Variants in BIRC6 observed in about 807,000 individuals in gnomAD.
BIRC6 encodes baculoviral IAP repeat containing 6, also known as dual E2 ubiquitin-conjugating enzyme/E3 ubiquitin-protein ligase BIRC6.
BIRC6 carries 98 observed loss-of-function variants against 503.3 expected under a neutral mutation model. That is an observed-to-expected ratio of 0.19 (90% CI 0.17 to 0.23). The LOEUF (loss-of-function observed/expected upper bound fraction) is 0.23. BIRC6 is among the 10% of genes least tolerant of loss of function. BIRC6 has a pLI of 1.00. For synonymous variants in BIRC6, 2,240 were observed against 2,078.7 expected (o/e 1.08, Z -2.11); for missense variants, 5,360 against 5,806.0 (o/e 0.92, Z 2.50).
At chr2:32,484,517 GTCCAGCCTGGACGA>G (rs2050771949) in intron 39 of BIRC6, among the ~76,000 whole-genome samples, 1 of 146,776 alleles carries the variant, frequency 6.8e-6, no homozygotes, top group Non-Finnish European at 1.5e-5. Context: ...TGCTGCTGCA[GTCCAGCCTGGACGA>G]TAGAGCAAAA....
chr2:32,417,417 T>C (rs894587967), intron 10 of BIRC6, among the ~76,000 whole-genome samples: 3 of 152,230 alleles, frequency 2.0e-5, no homozygotes, highest in African/African-American at 7.2e-5. Flanking sequence ...GTGCTGGGAT[T>C]ACAGGCGTGT....
At chr2:32,519,250 A>G (rs779900027) in intron 57 of BIRC6, 7 of 240,720 alleles carry the variant, frequency 2.9e-5, no homozygotes, top group Middle Eastern at 3.3e-3. Flanking sequence ...TACTAGATTA[A>G]TTGCAGGATA....
chr2:32,597,862 C>G lies in BIRC6; in HGVS notation c.13724C>G (p.Ala4575Gly). The G allele has an allele frequency of 4.3e-6, 7 of 1,613,854 alleles. No homozygotes were observed. Among genetic ancestry groups the G allele is most frequent in the Non-Finnish European group, 5.9e-6 (7 of 1,179,822 alleles). ...NANDANSAAR[A>G]RRLAQEAVTL... ...AATGATGCGAACAGTGCTGCCAGAG[C>G]TCGCCGCCTTGCCCAGGAAGCTGTG... Residue 4575 changes from alanine to glycine, a missense_variant, in exon 69 of 74, where the codon GCT becomes GGT. Ala to Gly is a moderately conservative substitution (Grantham distance 60). Transcript: ENST00000421745.
chr2:32,567,464 A>G (rs560412443), intron 65 of BIRC6, among the ~76,000 whole-genome samples: 2 of 152,316 alleles, frequency 1.3e-5, no homozygotes, highest in South Asian at 4.1e-4. Context: ...TTGTGTGGCT[A>G]TGGGACACTT....
intron 1 of BIRC6, among the ~76,000 whole-genome samples, chr2:32,366,634 AT>A (rs1263019659): frequency 6.6e-6 from 1 of 152,094 alleles, no homozygotes; most frequent in Non-Finnish European, 1.5e-5. Context: ...CCTCTCTGAT[AT>A]GTGTGTTGTA....
chr2:32,485,881 T>C, intron 40 of BIRC6, 122 bp downstream of exon 40: 1 of 625,556 alleles, frequency 1.6e-6, no homozygotes, highest in Non-Finnish European at 2.8e-6. Flanking sequence ...GGACTTAGTA[T>C]GTAGCACTTT....
chr2:32,526,100 G>A (rs1249977714), intron 59 of BIRC6, among the ~76,000 whole-genome samples: 1 of 152,110 alleles, frequency 6.6e-6, no homozygotes, highest in Non-Finnish European at 1.5e-5. Context: ...CAAAAATTCA[G>A]TATCTGATAC....
At chr2:32,571,630 A>G (rs954761743) in intron 65 of BIRC6, among the ~76,000 whole-genome samples, 1 of 150,070 alleles carries the variant, frequency 6.7e-6, no homozygotes, top group African/African-American at 2.5e-5. Flanking sequence ...GTTTATTTGG[A>G]TCTTCTCTCT....
Position 32,613,374 on chromosome 2 carries a change from A to AT in BIRC6, c.14394+1795dup, listed in dbSNP as rs1243409761. Among the ~76,000 whole-genome samples, 3 of 150,134 alleles carry AT rather than the reference A, an allele frequency of 2.0e-5. No homozygotes were observed. The East Asian group carries it at 6.0e-4, about 30-fold the overall frequency. ...TAACTTTTGTATTTTTATTTTCATT[A>AT]TTTATTTTATTTATTTATTTATTTT... On this transcript the variant is annotated intron_variant, in intron 73 of 73. Coordinates refer to ENST00000421745, the MANE Select transcript of BIRC6 (RefSeq NM_016252.4).
chr2:32,439,155 A>T (rs148784044), intron 15 of BIRC6, among the ~76,000 whole-genome samples: 150 of 152,130 alleles, frequency 9.9e-4, no homozygotes, highest in African/African-American at 3.2e-3. Flanking sequence ...TATTATCTAG[A>T]TGATAGCTTA....
chr2:32,364,243 T>TTTTTA (rs938420454), intron 1 of BIRC6, among the ~76,000 whole-genome samples: 17 of 152,252 alleles, frequency 1.1e-4, no homozygotes, highest in South Asian at 4.1e-4. Context: ...CTGCTCAGTG[T>TTTTTA]TTTTATTTTA....
intron 50 of BIRC6, chr2:32,505,481 C>T: frequency 2.9e-6 from 1 of 344,456 alleles, no homozygotes; most frequent in Non-Finnish European, 5.5e-6. Context: ...TACTAAGCTT[C>T]AGTATTAAGC....
chr2:32,505,085 T>G lies in BIRC6; in HGVS notation c.9580T>G (p.Ser3194Ala), dbSNP rs2053650524. The G allele has an allele frequency of 6.2e-7, 1 of 1,612,952 alleles. No individual in the cohort carries two copies. Among genetic ancestry groups the G allele is most frequent in the South Asian group, 1.1e-5 (1 of 90,784 alleles). ...QATPPHRRAR[S>A]AAWSYIFLPE... ...CACACCTCCTCACAGAAGAGCTCGCTCTGCTGCTTGGTCCTACATCTTTCT... is the reference window on the plus strand; with the variant it reads ...CACACCTCCTCACAGAAGAGCTCGCGCTGCTGCTTGGTCCTACATCTTTCT... The change falls in exon 50 of 74, where the codon TCT becomes GCT. Residue 3194 changes from serine to alanine, a missense_variant. Ser to Ala is a moderately conservative substitution (Grantham distance 99). This residue lies in a region of BIRC6 where 267 missense variants were observed against 287.6 expected (regional missense o/e 0.93). Coordinates refer to ENST00000421745, the MANE Select transcript of BIRC6 (RefSeq NM_016252.4).
intron 57 of BIRC6, 72 bp from the exon 58 acceptor site, chr2:32,524,816 T>G: frequency 9.4e-7 from 1 of 1,064,470 alleles, no homozygotes; most frequent in Non-Finnish European, 1.3e-6. Flanking sequence ...ATAATCTCCC[T>G]CTGAAACATA....
intron 6 of BIRC6, among the ~76,000 whole-genome samples, chr2:32,398,433 C>G (rs1415221860): frequency 1.3e-5 from 2 of 152,108 alleles, no homozygotes; most frequent in Non-Finnish European, 2.9e-5. Flanking sequence ...ATCAAGAAAT[C>G]TTTCGTGTTA....
At chr2:32,431,383 A>G (rs1388945172) in intron 12 of BIRC6, among the ~76,000 whole-genome samples, 1 of 151,326 alleles carries the variant, frequency 6.6e-6, no homozygotes, top group African/African-American at 2.4e-5. Flanking sequence ...TTAGGTAGAG[A>G]TGGGGTTTCA....
At chr2:32,435,657 A>C (rs891940311) in intron 14 of BIRC6, 72 bp downstream of exon 14, 1 of 1,433,604 alleles carries the variant, frequency 7.0e-7, no homozygotes, top group African/African-American at 1.4e-5. Context: ...ATGTCGGGCA[A>C]GATTTCCTTA....
At chr2:32,606,247 T>C (rs772934117) in intron 71 of BIRC6, among the ~76,000 whole-genome samples, 57 of 152,198 alleles carry the variant, frequency 3.7e-4, no homozygotes, top group African/African-American at 1.1e-3. Flanking sequence ...TTCTAGTAAA[T>C]AAGTGGTGGT....
At chr2:32,597,197 C>T (rs1468782842) in intron 68 of BIRC6, among the ~76,000 whole-genome samples, 1 of 152,136 alleles carries the variant, frequency 6.6e-6, no homozygotes, top group Admixed American at 6.6e-5. Flanking sequence ...GATTGGCTGC[C>T]ATTTGTTTAA....
Sources: gnomAD v4.1 joint callset for allele counts (sites outside exome capture counted in the v4.1 genomes callset) on GRCh38, gnomAD v4.1.1 for gene constraint, gnomAD v4.1.1 regional missense constraint, MANE v1.5 for transcripts, NCBI Gene and HGNC (gene_info 2026-07-23, HGNC 2026-07-21) for gene names.